Variants in ZNF521 observed in about 807,000 individuals in gnomAD.
ZNF521 encodes the protein LYST-interacting protein 3.
Under a neutral mutation model 105.5 loss-of-function variants are expected in ZNF521, and 14 were observed. The observed-to-expected ratio is 0.13, with a 90% CI of 0.09 to 0.21. The LOEUF (loss-of-function observed/expected upper bound fraction) is 0.21, where lower values mean the gene tolerates loss of function less well. Among genes scored for constraint, ZNF521 ranks in the 10% least tolerant of loss-of-function variants. The pLI is 1.00. For synonymous variants in ZNF521, 635 were observed against 606.0 expected, an observed-to-expected ratio of 1.05 and a Z score of -0.70; for missense variants, 1,233 against 1,629.7, an observed-to-expected ratio of 0.76 and a Z score of 4.19.
At chr18:25,282,800 G>C (rs945545665) in intron 3 of ZNF521, among the ~76,000 whole-genome samples, 3 of 151,756 alleles carry the variant, frequency 2.0e-5, no homozygotes, top group African/African-American at 7.3e-5. Context: ...CTGCAAATAA[G>C]AAAAACAAAA....
At chr18:25,294,853 C>CAAAAAAAAAAAA in intron 3 of ZNF521, among the ~76,000 whole-genome samples, 1 of 59,526 alleles carries the variant, frequency 1.7e-5, no homozygotes, top group Non-Finnish European at 2.7e-5. Flanking sequence ...GATTCTGTCT[C>CAAAAAAAAAAAA]AAAAAAAAAA....
chr18:25,302,605 G>A (rs1296873555), intron 3 of ZNF521: 1 of 152,176 alleles, frequency 6.6e-6, no homozygotes, highest in Non-Finnish European at 1.5e-5. Flanking sequence ...TCCATAAGAT[G>A]CCTGATTTGA....
chr18:25,103,465 G>A (rs1456811684), intron 5 of ZNF521, among the ~76,000 whole-genome samples: 1 of 152,154 alleles, frequency 6.6e-6, no homozygotes, highest in East Asian at 1.9e-4. Context: ...TAAATTGAGT[G>A]TTTGAGAAGA....
chr18:25,342,415 T>TTTTTGTTTG (rs1555667614), intron 2 of ZNF521, among the ~76,000 whole-genome samples: 2,419 of 81,678 alleles, frequency 0.03, 79 homozygotes, highest in African/African-American at 0.1. Flanking sequence ...TTTGTTTTTT[T>TTTTTGTTTG]TTTGTTTGTT....
intron 2 of ZNF521, among the ~76,000 whole-genome samples, chr18:25,347,012 G>T (rs1385857611): frequency 1.3e-5 from 2 of 152,084 alleles, no homozygotes; most frequent in Non-Finnish European, 2.9e-5. Context: ...AAAAAAAATT[G>T]TTTGTTATTA....
At chr18:25,212,320 GC>G (rs1268555018) in intron 4 of ZNF521, among the ~76,000 whole-genome samples, 1 of 150,810 alleles carries the variant, frequency 6.6e-6, no homozygotes, top group Non-Finnish European at 1.5e-5. Flanking sequence ...GACCAGCCTG[GC>G]CAACATAGTG....
At chr18:25,238,911 C>CT (rs1907114298) in intron 3 of ZNF521, among the ~76,000 whole-genome samples, 1 of 152,150 alleles carries the variant, frequency 6.6e-6, no homozygotes, top group Non-Finnish European at 1.5e-5. Flanking sequence ...TTTCCTGAGT[C>CT]TTCACCTGCA....
chr18:25,263,958 C>A (rs1240132681), intron 3 of ZNF521, among the ~76,000 whole-genome samples: 1 of 152,142 alleles, frequency 6.6e-6, no homozygotes, highest in African/African-American at 2.4e-5. Flanking sequence ...CACCATTATA[C>A]CTGTGATACT....
At chr18:25,308,190 T>G in intron 3 of ZNF521, among the ~76,000 whole-genome samples, 1 of 82,650 alleles carries the variant, frequency 1.2e-5, no homozygotes, top group Non-Finnish European at 2.1e-5. Context: ...CAAGACTGCA[T>G]CTCAAAAAAA....
At chr18:25,339,620 T>C (rs1042764085) in intron 2 of ZNF521, among the ~76,000 whole-genome samples, 1 of 152,214 alleles carries the variant, frequency 6.6e-6, no homozygotes, top group Non-Finnish European at 1.5e-5. Context: ...ACAGTAAATA[T>C]TTGTTAATTA....
At chr18:25,193,907 GCAA>G (rs2035859925) in intron 5 of ZNF521, among the ~76,000 whole-genome samples, 2 of 151,744 alleles carry the variant, frequency 1.3e-5, no homozygotes, top group Non-Finnish European at 2.9e-5. Flanking sequence ...TCATTTATAA[GCAA>G]CAACCCCCCA....
chr18:25,089,804 G>A (rs2033705511), intron 6 of ZNF521, among the ~76,000 whole-genome samples: 1 of 152,090 alleles, frequency 6.6e-6, no homozygotes, highest in Non-Finnish European at 1.5e-5. Flanking sequence ...CAGCTCCAAA[G>A]TAAAGGTTTA....
At chr18:25,217,433 G>C (rs1217871974) in intron 4 of ZNF521, among the ~76,000 whole-genome samples, 1 of 152,198 alleles carries the variant, frequency 6.6e-6, no homozygotes. Flanking sequence ...TGATTCACAG[G>C]TTTCTTGCTT....
rs2145211831 is a variant in ZNF521 at position 25,342,573 on chromosome 18, C to T, written c.40+8334G>A. Among the ~76,000 whole-genome samples, 2 of 139,294 alleles carry T rather than the reference C, an allele frequency of 1.4e-5. 1 individual carries two copies. Among genetic ancestry groups the T allele is most frequent in the East Asian group, 4.3e-4 (2 of 4,630 alleles). 91.4% of individuals were successfully genotyped at this position (139,294 alleles called of 152,430 possible). A position where few individuals can be genotyped will look rare whatever the true frequency, so the allele number is the denominator to read the frequency against. On this transcript the variant is annotated intron_variant, in intron 2 of 7. Transcript: ENST00000361524. Reference sequence around the variant, plus strand: ...CCTCCCAAGTAGCTGGGACTACAGGCGCCCGTCACCACGCCCGGCTAATTT... The same window carrying T: ...CCTCCCAAGTAGCTGGGACTACAGGTGCCCGTCACCACGCCCGGCTAATTT...
At chr18:25,094,737 T>C (rs1253722883) in intron 5 of ZNF521, among the ~76,000 whole-genome samples, 2 of 152,100 alleles carry the variant, frequency 1.3e-5, no homozygotes, top group African/African-American at 2.4e-5. Context: ...GCCAATAAGC[T>C]CTTAGGTGGA....
chr18:25,159,796 G>T lies in ZNF521; in HGVS notation c.3658+35364C>A, dbSNP rs1600103681. Among the ~76,000 whole-genome samples the T allele has an allele frequency of 6.6e-5, 10 of 152,234 alleles. No individual in the cohort carries two copies. In the South Asian group the frequency reaches 1.9e-3, roughly 28 times the overall value. ...CACTAAGAAAGACTCAGGATATGTGGCTTTGGACAAGCTACTCAGCATCCT... is the reference window on the plus strand; with the variant it reads ...CACTAAGAAAGACTCAGGATATGTGTCTTTGGACAAGCTACTCAGCATCCT... On this transcript the variant is annotated intron_variant, in intron 5 of 7. Coordinates refer to ENST00000361524, the MANE Select transcript of ZNF521 (RefSeq NM_015461.3).
chr18:25,246,247 AAAAG>A (rs1279731680), intron 3 of ZNF521, among the ~76,000 whole-genome samples: 3 of 152,220 alleles, frequency 2.0e-5, no homozygotes, highest in African/African-American at 4.8e-5. Context: ...AAAGTAAAAA[AAAAG>A]AAAGTCTTAT....
At chr18:25,175,080 A>G (rs1401858979) in intron 5 of ZNF521, among the ~76,000 whole-genome samples, 1 of 152,204 alleles carries the variant, frequency 6.6e-6, no homozygotes, top group Admixed American at 6.5e-5. Flanking sequence ...TGGAAATTCT[A>G]CACCAATTTC....
At chr18:25,180,525 C>A (rs45443295) in intron 5 of ZNF521, among the ~76,000 whole-genome samples, 23,303 of 148,758 alleles carry the variant, frequency 0.16, 2,127 homozygotes, top group East Asian at 0.34. Flanking sequence ...AAAAAAAAAA[C>A]CCCACATTTA....
Sources: allele counts gnomAD v4.1 joint callset (sites outside exome capture counted in the v4.1 genomes callset), GRCh38; gene constraint gnomAD v4.1.1; transcripts MANE v1.5; gene names NCBI Gene and HGNC (gene_info 2026-07-23, HGNC 2026-07-21).